PCLO: variants seen among roughly 807,000 people sequenced by gnomAD.
PCLO encodes the protein piccolo presynaptic cytomatrix protein, also known as protein piccolo.
In PCLO, 82 loss-of-function variants were observed where a neutral mutation model predicts 427.5. That is an observed-to-expected ratio of 0.19 (90% CI 0.16 to 0.23). PCLO has a LOEUF of 0.23. Among genes scored for constraint, PCLO ranks in the 10% least tolerant of loss-of-function variants. PCLO has a pLI of 1.00. For synonymous variants in PCLO, 2,357 were observed against 2,155.4 expected, an observed-to-expected ratio of 1.09 and a Z score of -2.59; for missense variants, 6,239 against 6,115.9, an observed-to-expected ratio of 1.02 and a Z score of -0.67.
intron 18 of PCLO, 108 bp from the exon 19 acceptor site, chr7:82,824,524 A>G: frequency 1.7e-6 from 1 of 602,012 alleles, no homozygotes; most frequent in South Asian, 3.2e-5. Flanking sequence ...CAAGGAATAC[A>G]GTATAACTTT....
intron 9 of PCLO, among the ~76,000 whole-genome samples, chr7:82,881,629 C>T (rs1793511024): frequency 6.6e-6 from 1 of 151,994 alleles, no homozygotes; most frequent in African/African-American, 2.4e-5. Flanking sequence ...ATTACTGTTC[C>T]TCTTGTTGAC....
chr7:83,107,649 CTAA>C (rs1277659551), intron 3 of PCLO, among the ~76,000 whole-genome samples: 34 of 150,538 alleles, frequency 2.3e-4, no homozygotes, highest in African/African-American at 8.2e-4. Context: ...ATAATTAATA[CTAA>C]TAATTTATTA....
intron 6 of PCLO, among the ~76,000 whole-genome samples, chr7:82,923,623 C>T (rs1794646718): frequency 6.6e-6 from 1 of 151,968 alleles, no homozygotes; most frequent in Non-Finnish European, 1.5e-5. Flanking sequence ...TGTGACAGCT[C>T]AATTTAATTT....
intron 6 of PCLO, among the ~76,000 whole-genome samples, chr7:82,930,623 C>T (rs1794819047): frequency 6.6e-6 from 1 of 152,044 alleles, no homozygotes. Context: ...TGCATGAACT[C>T]TGATTTCTTT....
At chr7:82,760,181 C>A (rs1054150330) in intron 24 of PCLO, among the ~76,000 whole-genome samples, 1 of 151,982 alleles carries the variant, frequency 6.6e-6, no homozygotes, top group African/African-American at 2.4e-5. Context: ...ACAATTAAAA[C>A]TCACTTTGGA....
intron 10 of PCLO, among the ~76,000 whole-genome samples, chr7:82,858,759 G>T (rs554534299): frequency 6.6e-6 from 1 of 152,066 alleles, no homozygotes; most frequent in Non-Finnish European, 1.5e-5. Flanking sequence ...ATTTAGCCAA[G>T]AAGGTGAAAA....
chr7:83,126,354 T>G (rs1791439469), intron 3 of PCLO, among the ~76,000 whole-genome samples: 1 of 152,084 alleles, frequency 6.6e-6, no homozygotes. Context: ...AATTATATAT[T>G]TCAAAATTAC....
In PCLO at chr7:82,965,979, T is replaced by C; in HGVS notation, c.3809A>G (p.Gln1270Arg). Residue 1270 changes from glutamine to arginine, a missense_variant, in exon 4 of 25, where the codon CAA (glutamine) becomes CGA (arginine). Transcript: ENST00000333891. ...QKHDLLKSQV[Q>R]IAEEKLEGRV... Reference sequence around the variant, plus strand: ...GCCTTCAAGCTTTTCTTCAGCAATTTGTACTTGAGATTTAAGTAAGTCATG... The same window carrying C: ...GCCTTCAAGCTTTTCTTCAGCAATTCGTACTTGAGATTTAAGTAAGTCATG... 2 of 1,613,854 alleles carry C rather than the reference T, an allele frequency of 1.2e-6. No homozygotes were observed. Among genetic ancestry groups the C allele is most frequent in the Non-Finnish European group, 1.7e-6 (2 of 1,179,858 alleles).
intron 3 of PCLO, among the ~76,000 whole-genome samples, chr7:83,096,491 T>G (rs1790540798): frequency 6.6e-6 from 1 of 151,816 alleles, no homozygotes; most frequent in South Asian, 2.1e-4. Context: ...CAAAGGATTG[T>G]GTAAGAATTA....
intron 19 of PCLO, 22 bp from the exon 20 acceptor site, chr7:82,822,711 A>G (rs754396117): frequency 1.2e-6 from 2 of 1,607,134 alleles, no homozygotes; most frequent in Non-Finnish European, 1.7e-6. Context: ...AGGGTAAAAC[A>G]TGAGTTAAAG....
At chr7:82,902,845 T>A (rs993104792) in intron 8 of PCLO, 104 bp from the exon 9 acceptor site, 48 of 637,576 alleles carry the variant, frequency 7.5e-5, no homozygotes, top group South Asian at 7.3e-4. Flanking sequence ...ATTAAATCAA[T>A]GGAACGTAGT....
chr7:82,867,276 C>T (rs983482010), intron 10 of PCLO, among the ~76,000 whole-genome samples: 1 of 152,068 alleles, frequency 6.6e-6, no homozygotes, highest in Non-Finnish European at 1.5e-5. Context: ...GTAGTGCATG[C>T]CTTTTTACTA....
chr7:82,968,212 T>C (rs1192509404), intron 3 of PCLO, among the ~76,000 whole-genome samples: 3 of 152,232 alleles, frequency 2.0e-5, no homozygotes, highest in Non-Finnish European at 4.4e-5. Context: ...TATTAGGATA[T>C]ATATGGATTC....
intron 3 of PCLO, among the ~76,000 whole-genome samples, chr7:83,035,143 C>T (rs1033612301): frequency 2.0e-5 from 3 of 152,136 alleles, no homozygotes; most frequent in African/African-American, 7.2e-5. Flanking sequence ...CATTCACAAG[C>T]ACTAGCCATG....
chr7:83,153,472 ATTG>A (rs1205899035), intron 2 of PCLO, among the ~76,000 whole-genome samples: 3 of 152,152 alleles, frequency 2.0e-5, no homozygotes, highest in East Asian at 1.9e-4. Context: ...GATCATCATT[ATTG>A]TTATTATCAT....
rs979482684 is a variant in PCLO at position 82,916,892 on chromosome 7, A to G, written c.11113-19T>C. ...CTTTAGTCTATAATCAAGTAAACAAAATATAGTACTTTAGTATAAAGAAAA... is the reference window on the plus strand; with the variant it reads ...CTTTAGTCTATAATCAAGTAAACAAGATATAGTACTTTAGTATAAAGAAAA... On this transcript the variant is annotated intron_variant, in intron 6 of 24. Coordinates refer to ENST00000333891, the MANE Select transcript of PCLO (RefSeq NM_033026.6). 12 of 1,544,610 alleles carry G rather than the reference A, an allele frequency of 7.8e-6. No homozygotes were observed. The Admixed American group carries it at 1.9e-4, about 25-fold the overall frequency.
At chr7:83,094,199 G>C (rs550313743) in intron 3 of PCLO, among the ~76,000 whole-genome samples, 13 of 122,388 alleles carry the variant, frequency 1.1e-4, no homozygotes, top group African/African-American at 3.9e-4. Context: ...TTTTGGGACT[G>C]ATTTTTTTTT....
At chr7:82,933,387 A>C (rs1283710389) in intron 6 of PCLO, among the ~76,000 whole-genome samples, 1 of 152,048 alleles carries the variant, frequency 6.6e-6, no homozygotes, top group Admixed American at 6.6e-5. Flanking sequence ...AAATTATTTT[A>C]AGTGTTCCTT....
intron 3 of PCLO, among the ~76,000 whole-genome samples, chr7:83,113,041 TA>T (rs1791044486): frequency 6.6e-6 from 1 of 152,200 alleles, no homozygotes. Context: ...ACCACACACC[TA>T]AATCTGGCAG....
Sources: gnomAD v4.1 joint callset for allele counts (sites outside exome capture counted in the v4.1 genomes callset) on GRCh38, gnomAD v4.1.1 for gene constraint, MANE v1.5 for transcripts, NCBI Gene and HGNC (gene_info 2026-07-23, HGNC 2026-07-21) for gene names.